The following HTT variants were observed in gnomAD, a reference collection of about 807,000 sequenced individuals.
HTT encodes huntingtin.
HTT carries 104 observed loss-of-function variants against 362.3 expected under a neutral mutation model. The ratio of observed to expected loss-of-function variants is 0.29; its 90% CI spans 0.24 to 0.34. The LOEUF is 0.34. HTT is among the 10% of genes least tolerant of loss of function. The probability of loss-of-function intolerance (pLI) is 1.00; values close to 1 mark genes in which losing one functional copy is unlikely to be tolerated. For missense variants in HTT, 3,301 were observed against 3,928.6 expected, an observed-to-expected ratio of 0.84 and a Z score of 4.27; for synonymous variants, 1,577 against 1,548.7, an observed-to-expected ratio of 1.02 and a Z score of -0.43.
Position 3,238,316 on chromosome 4 carries a change from C to T in HTT, c.8892-131C>T, listed in dbSNP as rs151126019. ...CTTTCCCCACTTGGAAAGTCCCTCA[C>T]GGCCGAGGGTCCCTCCCAGCCCTGA... On this transcript the variant is annotated intron_variant, in intron 64 of 66. Coordinates refer to ENST00000355072, the MANE Select transcript of HTT (RefSeq NM_001388492.1). 1,098 of 620,034 alleles carry T rather than the reference C, an allele frequency of 1.8e-3. 6 individuals carry two copies. The highest frequency in any genetic ancestry group is 4.0e-3 in the Middle Eastern group (10 of 2,488). 38.4% of individuals were successfully genotyped at this position (620,034 alleles called of 1,614,324 possible).
intron 37 of HTT, among the ~76,000 whole-genome samples, chr4:3,182,887 C>T (rs953153883): frequency 4.6e-5 from 7 of 152,066 alleles, no homozygotes; most frequent in South Asian, 2.1e-4. Flanking sequence ...CTTTCCTTTC[C>T]CTTCCTTTCC....
intron 35 of HTT, 25 bp from the exon 36 acceptor site, chr4:3,180,490 T>G: frequency 6.5e-7 from 1 of 1,537,420 alleles, no homozygotes; most frequent in Non-Finnish European, 8.7e-7. Flanking sequence ...AAATGCCTGA[T>G]AAGGGTACCC....
chr4:3,109,188 G>A (rs923604054), intron 6 of HTT, among the ~76,000 whole-genome samples: 3 of 151,784 alleles, frequency 2.0e-5, no homozygotes, highest in African/African-American at 7.2e-5. Flanking sequence ...ATAACTCTTA[G>A]TATTTCTTCC....
rs769065079 is a variant in HTT at position 3,186,604 on chromosome 4, T to C, written c.4874T>C (p.Ile1625Thr). The change falls in exon 38 of 67, where the codon ATT becomes ACT. Residue 1625 changes from isoleucine to threonine, a missense_variant. Coordinates refer to ENST00000355072, the MANE Select transcript of HTT (RefSeq NM_001388492.1). ...LPMLAKQQMH[I>T]DSHEALGVLN... is the part of the protein sequence containing the mutation. ...TGGTGTCTAATTCCACAGATGCACA[T>C]TGACTCTCATGAAGCCCTTGGAGTG... 6.3e-6 allele frequency: 10 copies of C among 1,575,046 alleles called. No individual in the cohort carries two copies. In the Admixed American group the frequency reaches 1.5e-4, roughly 24 times the overall value.
At chr4:3,235,175 G>A (rs556745890) in intron 61 of HTT, 109 bp from the exon 62 acceptor site, 9 of 785,710 alleles carry the variant, frequency 1.1e-5, no homozygotes, top group South Asian at 6.4e-5. Flanking sequence ...GCTCCCGGGA[G>A]CCCGCCTGGC....
Position 3,173,039 on chromosome 4 carries a change from C to T in HTT, c.4074C>T (p.Cys1358=). Residue 1358 remains cysteine, a synonymous_variant, in exon 31 of 67, where the codon TGC becomes TGT. Coordinates refer to ENST00000355072, the MANE Select transcript of HTT (RefSeq NM_001388492.1). ...TGAGGCCAGGCTTGTACCACTACTG[C>T]TTCATGGCCCCGTACACCCACTTCA... ...SSVRPGLYHY[C]FMAPYTHFTQ... is the part of the protein sequence containing the mutation. The T allele has an allele frequency of 6.2e-7, 1 of 1,614,178 alleles. No individual in the cohort carries two copies. The highest frequency in any genetic ancestry group is 8.5e-7 in the Non-Finnish European group (1 of 1,180,026).
intron 40 of HTT, among the ~76,000 whole-genome samples, chr4:3,197,032 T>C (rs1719287113): frequency 6.6e-6 from 1 of 152,178 alleles, no homozygotes; most frequent in African/African-American, 2.4e-5. Context: ...GCTGCCTGTG[T>C]TCTTTCTTTC....
intron 8 of HTT, among the ~76,000 whole-genome samples, chr4:3,116,534 C>T (rs1715037192): frequency 6.6e-6 from 1 of 152,180 alleles, no homozygotes; most frequent in Non-Finnish European, 1.5e-5. Context: ...AACCAGAGGT[C>T]ACGATATGTG....
intron 29 of HTT, among the ~76,000 whole-genome samples, chr4:3,165,832 G>A (rs1344634975): frequency 6.6e-6 from 1 of 151,804 alleles, no homozygotes; most frequent in Non-Finnish European, 1.5e-5. Flanking sequence ...AAGGTTTTTA[G>A]CTTCCTTGTG....
At chr4:3,137,338 G>C (rs141896074) in intron 21 of HTT, among the ~76,000 whole-genome samples, 1 of 152,078 alleles carries the variant, frequency 6.6e-6, no homozygotes, top group Non-Finnish European at 1.5e-5. Flanking sequence ...ATGTATCCTT[G>C]TGCCCATTTG....
In HTT at chr4:3,182,568, A is replaced by G. The variant is rs371078253; in HGVS notation, c.4866+98A>G. The G allele has an allele frequency of 6.0e-4, 448 of 745,822 alleles. 2 individuals carry two copies. The highest frequency in any genetic ancestry group is 9.2e-4 in the Non-Finnish European group (380 of 413,508). The allele number at this position is 745,822 out of a possible 1,614,324, so 46.2% of individuals were successfully genotyped here. On this transcript the variant is annotated intron_variant, in intron 37 of 66. Coordinates refer to ENST00000355072, the MANE Select transcript of HTT (RefSeq NM_001388492.1). The stretch of plus-strand genomic sequence containing the variant: ...TGGAATCAGCTCTTCCTTCAGTCCT[A>G]ATCTGTGCCTTGATAGCAGTTCTCC...
At chr4:3,179,486 C>T (rs1199523918) in intron 35 of HTT, among the ~76,000 whole-genome samples, 1 of 152,100 alleles carries the variant, frequency 6.6e-6, no homozygotes, top group East Asian at 1.9e-4. Flanking sequence ...GTGCATGTCT[C>T]AGGGCCGGAG....
intron 1 of HTT, among the ~76,000 whole-genome samples, chr4:3,076,391 T>C (rs1712552779): frequency 6.6e-6 from 1 of 152,238 alleles, no homozygotes; most frequent in South Asian, 2.1e-4. Context: ...TTTAGTAATA[T>C]TTCTTGTTCT....
chr4:3,198,215 ATTTTTTTTTTTTT>A (rs200014691), intron 40 of HTT, among the ~76,000 whole-genome samples: 3,000 of 60,614 alleles, frequency 0.049, 153 homozygotes, highest in African/African-American at 0.18. Flanking sequence ...GGATGTGTTG[ATTTTTTTTTTTTT>A]TTTTTTTTTT....
intron 48 of HTT, 134 bp from the exon 49 acceptor site, chr4:3,212,430 G>T: frequency 8.5e-7 from 1 of 1,172,400 alleles, no homozygotes; most frequent in Non-Finnish European, 1.2e-6. Context: ...TCCTGTGGAC[G>T]GATGTGTAGA....
rs376039050 is a variant in HTT, at chr4:3,125,573, A to C, written c.1346A>C (p.Glu449Ala). Residue 449 changes from glutamate to alanine, a missense_variant, in exon 11 of 67, where the codon GAA becomes GCA. Glu to Ala is a moderately radical substitution (Grantham distance 107). Transcript: ENST00000355072. ...GGCAAAGTGCTCTTAGGAGAAGAAG[A>C]AGCCTTGGAGGATGACTCTGAATCG... ...QKGKVLLGEE[E>A]ALEDDSESRS... 7.1e-5 allele frequency: 115 copies of C among 1,613,694 alleles called. No homozygotes were observed. Among genetic ancestry groups the C allele is most frequent in the Non-Finnish European group, 8.6e-5 (101 of 1,179,680 alleles).
intron 56 of HTT, among the ~76,000 whole-genome samples, chr4:3,224,448 C>T (rs1720816458): frequency 6.6e-6 from 1 of 152,254 alleles, no homozygotes; most frequent in Admixed American, 6.5e-5. Flanking sequence ...CCAAGTTCAT[C>T]TACACAAGCT....
intron 47 of HTT, among the ~76,000 whole-genome samples, chr4:3,211,113 A>G (rs1720138393): frequency 6.6e-6 from 1 of 151,340 alleles, no homozygotes; most frequent in East Asian, 1.9e-4. Context: ...CATGTTGGCC[A>G]GGCTGGTCTC....
chr4:3,142,954 G>T, intron 23 of HTT, 68 bp downstream of exon 23: 1 of 1,273,682 alleles, frequency 7.9e-7, no homozygotes, highest in Middle Eastern at 1.9e-4. Context: ...TGGCCAGTTA[G>T]TTGTATGGTC....
Sources: allele counts gnomAD v4.1 joint callset (sites outside exome capture counted in the v4.1 genomes callset), GRCh38; gene constraint gnomAD v4.1.1; transcripts MANE v1.5; gene names NCBI Gene and HGNC (gene_info 2026-07-23, HGNC 2026-07-21).